The following TENM4 variants were observed in gnomAD, a reference collection of about 807,000 sequenced individuals.
TENM4 encodes teneurin-4.
Under a neutral mutation model 243.3 loss-of-function variants are expected in TENM4, and 82 were observed. The ratio of observed to expected loss-of-function variants is 0.34; its 90% CI spans 0.28 to 0.40. The LOEUF (loss-of-function observed/expected upper bound fraction) is 0.40. Ranked by LOEUF, TENM4 falls within the 10% of genes least tolerant of loss-of-function variation. TENM4 has a pLI of 1.00. For missense variants in TENM4, 3,138 were observed against 3,673.3 expected, an observed-to-expected ratio of 0.85 and a Z score of 3.77; for synonymous variants, 1,412 against 1,456.3, an observed-to-expected ratio of 0.97 and a Z score of 0.69.
chr11:79,331,185 T>C (rs1054373771), intron 1 of TENM4, among the ~76,000 whole-genome samples: 2 of 152,142 alleles, frequency 1.3e-5, no homozygotes, highest in Admixed American at 6.5e-5. Context: ...GGCGACTGTG[T>C]TCCCCTTGTG....
At chr11:79,373,298 C>CTGGCTGGT (rs1340200912) in intron 1 of TENM4, among the ~76,000 whole-genome samples, 1 of 126,648 alleles carries the variant, frequency 7.9e-6, no homozygotes, top group African/African-American at 3.1e-5. Context: ...GGATAGATGG[C>CTGGCTGGT]TGGCTGGCTG....
chr11:78,844,603 A>C lies in TENM4; in HGVS notation c.1681+9501T>G, dbSNP rs555640496. 9.9e-5 allele frequency among the ~76,000 whole-genome samples: 15 copies of C among 152,130 alleles called. No individual in the cohort carries two copies. The South Asian group carries it at 1.0e-3, about 11-fold the overall frequency. ...TTTGCAGTGAACCAAGATTGCGCCA[A>C]TGCACTCCAGCCTGGCAACAGAGTG... On this transcript the variant is annotated intron_variant, in intron 12 of 33. Transcript: ENST00000278550.
chr11:79,045,166 T>G (rs559611982), intron 6 of TENM4, among the ~76,000 whole-genome samples: 2 of 152,228 alleles, frequency 1.3e-5, no homozygotes, highest in African/African-American at 4.8e-5. Context: ...CTGGAGGATA[T>G]TGCGTTGGTG....
rs78555168 is a variant in TENM4 at position 78,742,416 on chromosome 11, C to T, written c.2757-3846G>A. On this transcript the variant is annotated intron_variant, in intron 19 of 33. Coordinates refer to ENST00000278550, the MANE Select transcript of TENM4 (RefSeq NM_001098816.3). Reference sequence around the variant, plus strand: ...TCCTTTAATTTCACAAAAAATCAGGCGCCTACTATGAGCCAGGCTCTGTGT... The same window carrying T: ...TCCTTTAATTTCACAAAAAATCAGGTGCCTACTATGAGCCAGGCTCTGTGT... 9.3e-3 allele frequency among the ~76,000 whole-genome samples: 1,414 copies of T among 152,256 alleles called. 15 individuals are homozygous for T. The highest frequency in any genetic ancestry group is 0.031 in the African/African-American group (1,304 of 41,538).
At chr11:79,423,742 G>C (rs1858989321) in intron 1 of TENM4, among the ~76,000 whole-genome samples, 1 of 152,050 alleles carries the variant, frequency 6.6e-6, no homozygotes, top group Admixed American at 6.6e-5. Flanking sequence ...ATTTAGAAGA[G>C]TCTCTTTGGT....
intron 6 of TENM4, among the ~76,000 whole-genome samples, chr11:78,997,565 G>A (rs967779978): frequency 2.0e-5 from 3 of 152,170 alleles, no homozygotes; most frequent in Non-Finnish European, 2.9e-5. Flanking sequence ...GAGAAAGGAC[G>A]TCCCACCATC....
intron 28 of TENM4, among the ~76,000 whole-genome samples, chr11:78,698,492 A>AT (rs895199039): frequency 1.7e-4 from 25 of 148,518 alleles, no homozygotes; most frequent in East Asian, 3.9e-4. Flanking sequence ...AGCCTGGGCA[A>AT]TTTTTTTTTT....
At chr11:78,855,030 A>C (rs1350884626) in intron 11 of TENM4, among the ~76,000 whole-genome samples, 2 of 152,206 alleles carry the variant, frequency 1.3e-5, no homozygotes, top group Non-Finnish European at 2.9e-5. Flanking sequence ...CTGGCCTATT[A>C]GCAAGCAAAT....
chr11:79,353,654 A>G (rs532447177), intron 1 of TENM4, among the ~76,000 whole-genome samples: 24 of 152,274 alleles, frequency 1.6e-4, no homozygotes, highest in African/African-American at 5.8e-4. Context: ...AAAGCTGTAA[A>G]AATAGCTTAT....
At chr11:78,773,703 G>A (rs1565373015) in intron 17 of TENM4, among the ~76,000 whole-genome samples, 1 of 152,158 alleles carries the variant, frequency 6.6e-6, no homozygotes, top group Non-Finnish European at 1.5e-5. Context: ...AAGCATGGCT[G>A]TGCTCCAACT....
rs148976277 is a variant in TENM4, at chr11:78,860,593, A to C, written c.1255+2369T>G. On this transcript the variant is annotated intron_variant, in intron 10 of 33. Coordinates refer to ENST00000278550, the MANE Select transcript of TENM4 (RefSeq NM_001098816.3). The stretch of plus-strand genomic sequence containing the variant: ...CATTGAGATATATCTAGGGGAATGC[A>C]TTTTTAACATCACAATGAAAAACAT... 2.4e-3 allele frequency among the ~76,000 whole-genome samples: 365 copies of C among 152,340 alleles called. 2 individuals are homozygous for C. Among genetic ancestry groups the C allele is most frequent in the Non-Finnish European group, 3.9e-3 (264 of 68,032 alleles).
At chr11:79,139,700 A>ATATAAGTATATAAAATATATATT (rs1565220645) in intron 4 of TENM4, among the ~76,000 whole-genome samples, 2 of 68,170 alleles carry the variant, frequency 2.9e-5, no homozygotes, top group African/African-American at 1.8e-4. Context: ...AAATATATAT[A>ATATAAGTATATAAAATATATATT]ATATTTATAT....
intron 1 of TENM4, among the ~76,000 whole-genome samples, chr11:79,398,138 G>A (rs942286076): frequency 1.3e-5 from 2 of 151,416 alleles, no homozygotes; most frequent in Non-Finnish European, 2.9e-5. Flanking sequence ...ATGCAGCATC[G>A]GCCCAAGTTT....
At chr11:78,956,047 A>G (rs1857201468) in intron 6 of TENM4, among the ~76,000 whole-genome samples, 1 of 152,182 alleles carries the variant, frequency 6.6e-6, no homozygotes, top group African/African-American at 2.4e-5. Flanking sequence ...CCACAGCTGT[A>G]TCATGTATGT....
intron 1 of TENM4, among the ~76,000 whole-genome samples, chr11:79,394,118 C>T (rs1010505140): frequency 1.3e-5 from 2 of 152,188 alleles, no homozygotes; most frequent in African/African-American, 4.8e-5. Flanking sequence ...CTCACTAAAC[C>T]CTAGTTCTCT....
intron 4 of TENM4, among the ~76,000 whole-genome samples, chr11:79,070,844 A>G (rs371489621): frequency 6.6e-6 from 1 of 152,152 alleles, no homozygotes; most frequent in Non-Finnish European, 1.5e-5. Flanking sequence ...CATTTTTCCT[A>G]TTCCATTCTG....
intron 1 of TENM4, among the ~76,000 whole-genome samples, chr11:79,388,198 C>T (rs1186759622): frequency 6.6e-6 from 1 of 152,048 alleles, no homozygotes; most frequent in Non-Finnish European, 1.5e-5. Flanking sequence ...AGGATCGACC[C>T]CAGAGCAAGG....
intron 6 of TENM4, among the ~76,000 whole-genome samples, chr11:79,037,650 G>A (rs1859421697): frequency 6.6e-6 from 1 of 152,182 alleles, no homozygotes; most frequent in Admixed American, 6.5e-5. Context: ...AATTTTCTTT[G>A]CTGATGTGTA....
At chr11:78,835,935 A>G (rs1010683856) in intron 12 of TENM4, among the ~76,000 whole-genome samples, 2 of 152,258 alleles carry the variant, frequency 1.3e-5, no homozygotes, top group African/African-American at 4.8e-5. Context: ...CAAGGCATAT[A>G]GAAGGTGCAA....
Sources: allele counts gnomAD v4.1 joint callset (sites outside exome capture counted in the v4.1 genomes callset), GRCh38; gene constraint gnomAD v4.1.1; transcripts MANE v1.5; gene names NCBI Gene and HGNC (gene_info 2026-07-23, HGNC 2026-07-21).